Variants in DLGAP2 observed in about 807,000 individuals in gnomAD.
DLGAP2 encodes disks large-associated protein 2.
A neutral mutation model predicts 100.3 loss-of-function variants in DLGAP2; 26 were observed. The observed-to-expected ratio is 0.26, with a 90% CI of 0.19 to 0.36. The LOEUF is 0.36. DLGAP2 is among the 10% of genes least tolerant of loss of function. The probability of loss-of-function intolerance (pLI) is 1.00; values close to 1 mark genes in which losing one functional copy is unlikely to be tolerated. For synonymous variants in DLGAP2, 886 were observed against 630.1 expected (o/e 1.41, Z -6.08); for missense variants, 1,858 against 1,453.2 (o/e 1.28, Z -4.53).
intron 1 of DLGAP2, among the ~76,000 whole-genome samples, chr8:780,467 C>T (rs749096723): frequency 1.8e-4 from 27 of 152,200 alleles, no homozygotes; most frequent in Non-Finnish European, 2.8e-4. Flanking sequence ...ACAGACATCT[C>T]AACGTAGTGA....
intron 12 of DLGAP2, among the ~76,000 whole-genome samples, chr8:1,683,952 G>GTATATATATATATATATA (rs1171271402): frequency 1.5e-4 from 3 of 20,346 alleles, no homozygotes; most frequent in African/African-American, 6.2e-4. Flanking sequence ...ATATATATGT[G>GTATATATATATATATATA]TGTATATATA....
At chr8:759,079 C>T (rs1376260951) in intron 1 of DLGAP2, among the ~76,000 whole-genome samples, 169 of 62,084 alleles carry the variant, frequency 2.7e-3, no homozygotes, top group African/African-American at 8.8e-3. Context: ...TCAATACCCC[C>T]CACAGCCTTC....
rs115540624 is a variant in DLGAP2 at position 1,279,346 on chromosome 8, T to C, written c.106+20463T>C. On this transcript the variant is annotated intron_variant, in intron 3 of 14. Coordinates refer to ENST00000637795, the MANE Select transcript of DLGAP2 (RefSeq NM_001346810.2). Reference sequence around the variant, plus strand: ...TAATTGCCTGCCATGAATGAAGCTCTGTTTGGCACTTTATGTAAATATGTG... The same window carrying C: ...TAATTGCCTGCCATGAATGAAGCTCCGTTTGGCACTTTATGTAAATATGTG... Among the ~76,000 whole-genome samples, 542 of 152,352 alleles carry C rather than the reference T, an allele frequency of 3.6e-3. 1 individual carries two copies. The highest frequency in any genetic ancestry group is 0.012 in the African/African-American group (516 of 41,564).
At chr8:883,331 G>T (rs555592011) in intron 1 of DLGAP2, 25 of 152,264 alleles carry the variant, frequency 1.6e-4, no homozygotes, top group African/African-American at 5.5e-4. Context: ...CGGATAGAAG[G>T]ATTCATTGCC....
At chr8:1,381,793 G>C (rs1318999664) in intron 3 of DLGAP2, among the ~76,000 whole-genome samples, 2 of 120,844 alleles carry the variant, frequency 1.7e-5, no homozygotes, top group African/African-American at 7.1e-5. Context: ...GTGTGTGTGT[G>C]TGTGTGTGTG....
intron 5 of DLGAP2, among the ~76,000 whole-genome samples, chr8:1,552,760 C>T (rs545977494): frequency 4.6e-5 from 7 of 152,246 alleles, no homozygotes; most frequent in East Asian, 1.9e-4. Context: ...TGCAGCTGAA[C>T]GACAGGATCA....
At chr8:944,357 C>G (rs1242033182) in intron 2 of DLGAP2, among the ~76,000 whole-genome samples, 1 of 151,474 alleles carries the variant, frequency 6.6e-6, no homozygotes, top group East Asian at 2.0e-4. Context: ...TAACTAATCC[C>G]TGTGAGTGAT....
At chr8:1,365,161 G>C (rs925618853) in intron 3 of DLGAP2, among the ~76,000 whole-genome samples, 5 of 152,162 alleles carry the variant, frequency 3.3e-5, no homozygotes, top group Non-Finnish European at 7.3e-5. Flanking sequence ...CTGTGGTTCG[G>C]GGCATTTGAG....
chr8:767,907 G>C (rs997750582), intron 1 of DLGAP2, among the ~76,000 whole-genome samples: 7 of 152,188 alleles, frequency 4.6e-5, no homozygotes, highest in African/African-American at 1.4e-4. Flanking sequence ...TGCCAGTGAT[G>C]ACACAATAAT....
intron 1 of DLGAP2, among the ~76,000 whole-genome samples, chr8:882,826 G>C (rs761404099): frequency 6.6e-6 from 1 of 152,362 alleles, no homozygotes; most frequent in Admixed American, 6.5e-5. Context: ...GGCGTCAGCA[G>C]CTTTCCTCTC....
chr8:1,440,190 T>A (rs1367652945), intron 3 of DLGAP2, among the ~76,000 whole-genome samples: 1 of 152,158 alleles, frequency 6.6e-6, no homozygotes, highest in Non-Finnish European at 1.5e-5. Flanking sequence ...TGATACAACT[T>A]CCACCAAATA....
At chr8:1,619,849 C>T (rs1358138249) in intron 6 of DLGAP2, 1 of 152,186 alleles carries the variant, frequency 6.6e-6, no homozygotes, top group African/African-American at 2.4e-5. Flanking sequence ...ACATGTGCTC[C>T]ACTGTGCATA....
At chr8:1,484,704 A>C (rs1017356160) in intron 3 of DLGAP2, among the ~76,000 whole-genome samples, 3 of 152,244 alleles carry the variant, frequency 2.0e-5, no homozygotes, top group Non-Finnish European at 4.4e-5. Context: ...TTAGTCCGTA[A>C]ACTCTTATGG....
chr8:1,638,790 A>T (rs1191030135), intron 8 of DLGAP2, among the ~76,000 whole-genome samples: 1 of 152,138 alleles, frequency 6.6e-6, no homozygotes, highest in Non-Finnish European at 1.5e-5. Context: ...TCTCCCGGGG[A>T]GTCCAGGAGG....
At chr8:1,104,672 C>T (rs1338174731) in intron 2 of DLGAP2, among the ~76,000 whole-genome samples, 1 of 152,118 alleles carries the variant, frequency 6.6e-6, no homozygotes, top group African/African-American at 2.4e-5. Context: ...GAGGAAGAAG[C>T]TGTCGCTCCC....
At chr8:1,107,641 G>A in intron 2 of DLGAP2, among the ~76,000 whole-genome samples, 2 of 152,214 alleles carry the variant, frequency 1.3e-5, no homozygotes, top group East Asian at 3.8e-4. Context: ...ACGTGTGCCT[G>A]GAAGGGCTTC....
intron 1 of DLGAP2, among the ~76,000 whole-genome samples, chr8:875,252 C>G (rs1394649501): frequency 6.6e-6 from 1 of 152,040 alleles, no homozygotes. Flanking sequence ...TTAATATTAT[C>G]ATTGATATAG....
At chr8:1,352,907 C>T (rs187764449) in intron 3 of DLGAP2, among the ~76,000 whole-genome samples, 7 of 152,298 alleles carry the variant, frequency 4.6e-5, no homozygotes, top group South Asian at 2.1e-4. Flanking sequence ...ATGGGGCCTC[C>T]GGTCTTCCAG....
chr8:1,131,695 C>A (rs1393302652), intron 2 of DLGAP2, among the ~76,000 whole-genome samples: 1 of 151,406 alleles, frequency 6.6e-6, no homozygotes. Flanking sequence ...GGCTGCTGTT[C>A]CACATTAGGT....
Sources: allele counts gnomAD v4.1 joint callset (sites outside exome capture counted in the v4.1 genomes callset), GRCh38; gene constraint gnomAD v4.1.1; transcripts MANE v1.5; gene names NCBI Gene and HGNC (gene_info 2026-07-23, HGNC 2026-07-21).